PADI1: variants seen among roughly 807,000 people sequenced by gnomAD.
The protein encoded by PADI1 is protein-arginine deiminase type-1.
In PADI1, 65 loss-of-function variants were observed where a neutral mutation model predicts 74.8. The observed-to-expected ratio is 0.87, with a 90% CI of 0.71 to 1.07. The LOEUF (loss-of-function observed/expected upper bound fraction) is 1.07, where lower values mean the gene tolerates loss of function less well. PADI1 is among the 50% of genes least tolerant of loss of function. PADI1 has a pLI of 0.00. For synonymous variants in PADI1, 371 were observed against 336.2 expected (o/e 1.10, Z -1.13); for missense variants, 943 against 854.0 (o/e 1.10, Z -1.30).
At chr1:17,222,163 C>T (rs766439456) in intron 1 of PADI1, 127 bp from the exon 2 acceptor site, 1 of 667,732 alleles carries the variant, frequency 1.5e-6, no homozygotes, top group African/African-American at 1.8e-5. Context: ...CCCTGTGCCT[C>T]CCCAGCCTGA....
At chr1:17,215,678 C>G (rs1003767245) in intron 1 of PADI1, among the ~76,000 whole-genome samples, 2 of 152,286 alleles carry the variant, frequency 1.3e-5, no homozygotes, top group Admixed American at 6.5e-5. Context: ...AGCCACCTCC[C>G]CGCTGGGCAG....
At chr1:17,211,555 C>T (rs541703538) in intron 1 of PADI1, among the ~76,000 whole-genome samples, 35 of 152,292 alleles carry the variant, frequency 2.3e-4, no homozygotes, top group South Asian at 6.2e-4. Flanking sequence ...TGCAGACACG[C>T]GGAGACACAG....
chr1:17,243,965 C>A (rs1298149739), intron 15 of PADI1, 45 bp from the exon 16 acceptor site: 2 of 1,369,482 alleles, frequency 1.5e-6, no homozygotes, highest in Non-Finnish European at 2.1e-6. Flanking sequence ...AGAAGCACAG[C>A]ACTTATAGCC....
intron 4 of PADI1, 68 bp from the exon 5 acceptor site, chr1:17,225,743 C>T (rs1180220384): frequency 3.8e-6 from 4 of 1,047,606 alleles, no homozygotes; most frequent in Non-Finnish European, 4.4e-6. Flanking sequence ...CCGCCCTGGC[C>T]ATGTCTAGAA....
intron 14 of PADI1, 182 bp downstream of exon 14, chr1:17,239,965 G>A (rs947789744): frequency 6.7e-6 from 4 of 597,346 alleles, no homozygotes; most frequent in Non-Finnish European, 1.2e-5. Flanking sequence ...GGAAGAGACA[G>A]AGCCATGCCC....
chr1:17,231,056 G>C (rs2072477766), intron 10 of PADI1, among the ~76,000 whole-genome samples: 1 of 152,142 alleles, frequency 6.6e-6, no homozygotes, highest in East Asian at 1.9e-4. Context: ...GTTCTTAAGA[G>C]CTAGGGCCTC....
At chr1:17,235,199 AGGGAGGGAGGGAGGAAG>A (rs1312220983) in intron 11 of PADI1, among the ~76,000 whole-genome samples, 38 of 122,744 alleles carry the variant, frequency 3.1e-4, no homozygotes, top group South Asian at 9.6e-4. Context: ...GAAGGAAGGA[AGGGAGGGAGGGAGGAAG>A]GGAAGGAAGG....
Position 17,226,111 on chromosome 1 carries a change from A to T in PADI1, c.605A>T (p.Asn202Ile), listed in dbSNP as rs1455580274. 4.3e-6 allele frequency: 7 copies of T among 1,614,176 alleles called. No individual in the cohort carries two copies. Among genetic ancestry groups the T allele is most frequent in the Non-Finnish European group, 5.9e-6 (7 of 1,180,020 alleles). The part of the protein sequence containing the change: ...KLFDSHKLVL[N>I]VPFSDSKRVR... ...TTCGACAGCCACAAGCTTGTCTTGAACGTGCCCTTTTCTGATTCCAAAAGA... is the reference window on the plus strand; with the variant it reads ...TTCGACAGCCACAAGCTTGTCTTGATCGTGCCCTTTTCTGATTCCAAAAGA... The change falls in exon 6 of 16, where the codon AAC (asparagine) becomes ATC (isoleucine). Residue 202 changes from asparagine to isoleucine, a missense_variant. Transcript: ENST00000375471.
chr1:17,233,996 CA>C (rs1223455239), intron 11 of PADI1, among the ~76,000 whole-genome samples: 1 of 152,210 alleles, frequency 6.6e-6, no homozygotes, highest in Non-Finnish European at 1.5e-5. Flanking sequence ...CTGTTCTACC[CA>C]CACCCTTGGG....
At chr1:17,237,285 T>C in intron 11 of PADI1, 29 bp from the exon 12 acceptor site, 1 of 1,579,890 alleles carries the variant, frequency 6.3e-7, no homozygotes. Context: ...AGGCACAAGG[T>C]GACTGCCCGC....
At chr1:17,241,477 G>A (rs948574605) in intron 15 of PADI1, among the ~76,000 whole-genome samples, 1 of 151,338 alleles carries the variant, frequency 6.6e-6, no homozygotes, top group South Asian at 2.1e-4. Flanking sequence ...TGTCGGAATC[G>A]GGATGGAATC....
intron 1 of PADI1, among the ~76,000 whole-genome samples, chr1:17,216,037 G>C (rs761239693): frequency 7.2e-4 from 109 of 152,098 alleles, no homozygotes; most frequent in Middle Eastern, 6.9e-3. Context: ...GAGGGGCTGG[G>C]CGGACCGCAG....
chr1:17,224,508 TC>T, intron 4 of PADI1, 80 bp downstream of exon 4: 1 of 1,047,340 alleles, frequency 9.5e-7, no homozygotes, highest in Non-Finnish European at 1.5e-6. Context: ...GTGCCCTCCC[TC>T]CAGAAGAATG....
chr1:17,206,140 T>C (rs922282843), intron 1 of PADI1, among the ~76,000 whole-genome samples: 1 of 152,182 alleles, frequency 6.6e-6, no homozygotes, highest in Non-Finnish European at 1.5e-5. Context: ...CTGGAGCAGG[T>C]GGGGCTGAAC....
rs752953244 is a variant in PADI1 at position 17,225,901 on chromosome 1, A to G, written c.499A>G (p.Thr167Ala). 1 of 1,613,944 alleles carries G rather than the reference A, an allele frequency of 6.2e-7. No individual in the cohort carries two copies. Among genetic ancestry groups the G allele is most frequent in the South Asian group, 1.1e-5 (1 of 91,064 alleles). ...TCACAGGTCCGCAGAGCCTGACCTC[A>G]CCCACAGCTGGCTGATGTCGCTGGC... ...DNHRSAEPDL[T>A]HSWLMSLADL... The change falls in exon 5 of 16, where the codon ACC becomes GCC. Residue 167 changes from threonine (T) to alanine (A), a missense_variant. Thr to Ala is a moderately conservative substitution (Grantham distance 58). Transcript: ENST00000375471.
At chr1:17,208,257 CTG>C (rs1262958974) in intron 1 of PADI1, among the ~76,000 whole-genome samples, 1 of 152,170 alleles carries the variant, frequency 6.6e-6, no homozygotes, top group African/African-American at 2.4e-5. Flanking sequence ...CCCCCAGGGG[CTG>C]TGTGAACTGG....
chr1:17,245,596 G>A lies in PADI1; in HGVS notation c.*1353G>A, dbSNP rs997612460. On this transcript the variant is annotated 3_prime_UTR_variant, in exon 16 of 16. Transcript: ENST00000375471. This position sits in a 1 kb window ranked among gnomAD's most constrained non-coding sequence, Gnocchi z 4.1. ...TCACACTGAGCCAACTACTGTCACT[G>A]TTTTAACCAACAAAAGCTAGCCTGG... 2.6e-5 allele frequency: 4 copies of A among 152,232 alleles called. No individual in the cohort carries two copies. The highest frequency in any genetic ancestry group is 9.6e-5 in the African/African-American group (4 of 41,460). The allele number at this position is 152,232 out of a possible 1,614,324, so 9.4% of individuals were successfully genotyped here. A position where few individuals can be genotyped will look rare whatever the true frequency, so the allele number is the denominator to read the frequency against.
At chr1:17,231,294 T>C (rs766552054) in intron 10 of PADI1, among the ~76,000 whole-genome samples, 5 of 152,180 alleles carry the variant, frequency 3.3e-5, no homozygotes, top group Non-Finnish European at 5.9e-5. Context: ...GGAGGTTAAG[T>C]AACTTGCCCC....
chr1:17,219,353 C>T (rs921268576), intron 1 of PADI1, among the ~76,000 whole-genome samples: 5 of 152,070 alleles, frequency 3.3e-5, no homozygotes, highest in Admixed American at 1.3e-4. Context: ...GTCAAGCGTC[C>T]CAGTGGGCTG....
Sources: allele counts gnomAD v4.1 joint callset (sites outside exome capture counted in the v4.1 genomes callset), GRCh38; gene constraint gnomAD v4.1.1; non-coding constraint Gnocchi (gnomAD v3.1); transcripts MANE v1.5; gene names NCBI Gene and HGNC (gene_info 2026-07-23, HGNC 2026-07-21).